PCDH9: variants seen among roughly 807,000 people sequenced by gnomAD.
The protein encoded by PCDH9 is protocadherin 9.
PCDH9 carries 24 observed loss-of-function variants against 70.6 expected under a neutral mutation model. The observed-to-expected ratio is 0.34, with a 90% CI of 0.25 to 0.48. The LOEUF (loss-of-function observed/expected upper bound fraction) is 0.48, where lower values mean the gene tolerates loss of function less well. Among genes scored for constraint, PCDH9 ranks in the 20% least tolerant of loss-of-function variants. PCDH9 has a pLI of 0.99. For synonymous variants in PCDH9, 562 were observed against 558.5 expected (o/e 1.01, Z -0.09); for missense variants, 1,281 against 1,503.6 (o/e 0.85, Z 2.45).
chr13:66,873,984 G>A lies in PCDH9; in HGVS notation c.3138+29520C>T, dbSNP rs1474287353. ...GATAGCGTCTCACTGTGTTAGCCAGGCTAGAGAGTGAAGTGGCACAGGCAT... is the reference window on the plus strand; with the variant it reads ...GATAGCGTCTCACTGTGTTAGCCAGACTAGAGAGTGAAGTGGCACAGGCAT... On this transcript the variant is annotated intron_variant, in intron 3 of 4. Transcript: ENST00000377865. 4.9e-5 allele frequency among the ~76,000 whole-genome samples: 7 copies of A among 143,372 alleles called. No homozygotes were observed. In the Admixed American group the frequency reaches 5.0e-4, roughly 10 times the overall value. 94.1% of individuals were successfully genotyped at this position (143,372 alleles called of 152,430 possible).
chr13:66,894,387 A>G lies in PCDH9; in HGVS notation c.3138+9117T>C, dbSNP rs1196685257. Among the ~76,000 whole-genome samples, 9 of 152,300 alleles carry G rather than the reference A, an allele frequency of 5.9e-5. 1 individual carries two copies. The highest frequency in any genetic ancestry group is 5.9e-4 in the Admixed American group (9 of 15,296). On this transcript the variant is annotated intron_variant, in intron 3 of 4. Transcript: ENST00000377865. Reference sequence around the variant, plus strand: ...AAGCTTTTAACATTTTTAAACTCAAAATTATATAAAATTGAAGTATAAGCT... The same window carrying G: ...AAGCTTTTAACATTTTTAAACTCAAGATTATATAAAATTGAAGTATAAGCT...
At chr13:67,204,091 G>A (rs1170866927) in intron 2 of PCDH9, 1 of 152,058 alleles carries the variant, frequency 6.6e-6, no homozygotes, top group Non-Finnish European at 1.5e-5. Context: ...GGCTGGTTAT[G>A]TATATTTATT....
At chr13:66,416,317 C>G (rs1180603661) in intron 4 of PCDH9, among the ~76,000 whole-genome samples, 1 of 110,072 alleles carries the variant, frequency 9.1e-6, no homozygotes, top group Non-Finnish European at 2.0e-5. Context: ...AGGAAGCTTA[C>G]AGAAAAAAAA....
At position 66,350,915 on chromosome 13, in the gene PCDH9, A is replaced by G. The variant is rs191109364; in HGVS notation, c.3341-45887T>C. Reference sequence around the variant, plus strand: ...CCTTTGTTACTTGATATATTTTGAAATCTTTCGTAGGCCAAAATGTAATTT... The same window carrying G: ...CCTTTGTTACTTGATATATTTTGAAGTCTTTCGTAGGCCAAAATGTAATTT... On this transcript the variant is annotated intron_variant, in intron 4 of 4. Coordinates refer to ENST00000377865, the MANE Select transcript of PCDH9 (RefSeq NM_203487.3). Among the ~76,000 whole-genome samples the G allele has an allele frequency of 4.1e-3, 620 of 152,252 alleles. 3 individuals carry two copies. Among genetic ancestry groups the G allele is most frequent in the African/African-American group, 0.014 (591 of 41,554 alleles).
chr13:66,709,536 T>TA (rs1043309168), intron 3 of PCDH9, among the ~76,000 whole-genome samples: 1 of 152,114 alleles, frequency 6.6e-6, no homozygotes, highest in African/African-American at 2.4e-5. Flanking sequence ...TAACCAATCT[T>TA]AAAAAACAGA....
intron 2 of PCDH9, among the ~76,000 whole-genome samples, chr13:67,118,429 G>A (rs2086817868): frequency 6.6e-6 from 1 of 152,098 alleles, no homozygotes. Context: ...TAAAACAGTG[G>A]ATATGTATAG....
intron 2 of PCDH9, among the ~76,000 whole-genome samples, chr13:66,995,794 TATC>T (rs1228502982): frequency 6.6e-6 from 1 of 152,174 alleles, no homozygotes; most frequent in Non-Finnish European, 1.5e-5. Flanking sequence ...AGAGAGAACA[TATC>T]ATCTGCATTA....
At chr13:66,869,914 G>C (rs115180762) in intron 3 of PCDH9, among the ~76,000 whole-genome samples, 11 of 152,276 alleles carry the variant, frequency 7.2e-5, no homozygotes, top group Non-Finnish European at 5.9e-5. Flanking sequence ...AGTCCACAGA[G>C]AGCAATCAAA....
At chr13:67,116,320 C>T (rs1193898021) in intron 2 of PCDH9, among the ~76,000 whole-genome samples, 1 of 152,112 alleles carries the variant, frequency 6.6e-6, no homozygotes, top group Non-Finnish European at 1.5e-5. Context: ...TTACATCTCT[C>T]TATTTAAGAA....
intron 4 of PCDH9, among the ~76,000 whole-genome samples, chr13:66,359,567 A>T (rs764655167): frequency 1.3e-5 from 2 of 152,050 alleles, no homozygotes; most frequent in Non-Finnish European, 2.9e-5. Flanking sequence ...GCTAGCTGTA[A>T]AATTTGTAAG....
chr13:66,332,797 T>C (rs1955966728), intron 4 of PCDH9, among the ~76,000 whole-genome samples: 1 of 151,134 alleles, frequency 6.6e-6, no homozygotes, highest in South Asian at 2.1e-4. Flanking sequence ...TTAGCACAAC[T>C]CTAAAGAAAG....
intron 2 of PCDH9, among the ~76,000 whole-genome samples, chr13:66,971,929 A>G (rs900606147): frequency 6.6e-6 from 1 of 151,972 alleles, no homozygotes; most frequent in African/African-American, 2.4e-5. Flanking sequence ...ATATGGAAGG[A>G]TAATATTCGA....
intron 4 of PCDH9, among the ~76,000 whole-genome samples, chr13:66,367,006 T>G (rs867931213): frequency 1.3e-5 from 2 of 152,122 alleles, no homozygotes; most frequent in African/African-American, 4.8e-5. Context: ...ATCTTTCATT[T>G]CCTATTTTTA....
chr13:66,518,689 G>C (rs1382799697), intron 4 of PCDH9, among the ~76,000 whole-genome samples: 1 of 152,040 alleles, frequency 6.6e-6, no homozygotes, highest in Non-Finnish European at 1.5e-5. Flanking sequence ...TAAGTTTATG[G>C]GTAACATAAA....
intron 4 of PCDH9, among the ~76,000 whole-genome samples, chr13:66,614,915 A>G (rs2077337760): frequency 6.6e-6 from 1 of 152,196 alleles, no homozygotes; most frequent in South Asian, 2.1e-4. Flanking sequence ...ATTTGTCCCG[A>G]TTGGCTAGCA....
At chr13:66,776,755 T>C (rs1413097997) in intron 3 of PCDH9, among the ~76,000 whole-genome samples, 12 of 151,106 alleles carry the variant, frequency 7.9e-5, no homozygotes, top group Non-Finnish European at 1.6e-4. Context: ...CCAATGACTT[T>C]CTTCACAGAA....
chr13:66,680,520 T>G (rs1001810771), intron 3 of PCDH9, among the ~76,000 whole-genome samples: 4 of 152,014 alleles, frequency 2.6e-5, no homozygotes, highest in African/African-American at 9.7e-5. Context: ...TGTAATTTTC[T>G]TTTTTTCTAG....
At chr13:66,442,108 T>A (rs569383328) in intron 4 of PCDH9, among the ~76,000 whole-genome samples, 2 of 152,318 alleles carry the variant, frequency 1.3e-5, no homozygotes, top group South Asian at 4.1e-4. Flanking sequence ...GGATTCTACC[T>A]CTTTCTACAA....
chr13:67,091,269 T>C lies in PCDH9; in HGVS notation c.3036+134136A>G, dbSNP rs149792912. 4.7e-4 allele frequency among the ~76,000 whole-genome samples: 72 copies of C among 152,226 alleles called. 1 individual carries two copies. The East Asian group carries it at 0.013, about 27-fold the overall frequency. ...GACTTTAAAATATTATAAATGTACA[T>C]AAAAGAGAAATTCAAAATAAAATCT... On this transcript the variant is annotated intron_variant, in intron 2 of 4. Coordinates refer to ENST00000377865, the MANE Select transcript of PCDH9 (RefSeq NM_203487.3).
Sources: allele counts gnomAD v4.1 joint callset (sites outside exome capture counted in the v4.1 genomes callset), GRCh38; gene constraint gnomAD v4.1.1; transcripts MANE v1.5; gene names NCBI Gene and HGNC (gene_info 2026-07-23, HGNC 2026-07-21).